Variants in CATIP observed in about 807,000 individuals in gnomAD.
CATIP encodes ciliogenesis-associated TTC17-interacting protein.
Under a neutral mutation model 42.5 loss-of-function variants are expected in CATIP, and 40 were observed. The observed-to-expected ratio is 0.94, with a 90% CI of 0.73 to 1.22. The LOEUF (loss-of-function observed/expected upper bound fraction) is 1.22. CATIP is among the 50% of genes most tolerant of loss of function. The pLI, the probability that CATIP is intolerant of heterozygous loss-of-function variation, is 0.00. For synonymous variants in CATIP, 222 were observed against 200.2 expected (o/e 1.11, Z -0.92); for missense variants, 489 against 496.0 (o/e 0.99, Z 0.13).
At position 218,356,955 on chromosome 2, in the gene CATIP, C is replaced by T. The variant is rs770500635; in HGVS notation, c.25+46C>T. 8.7e-6 allele frequency: 14 copies of T among 1,610,338 alleles called. No homozygotes were observed. In the African/African-American group the frequency reaches 1.6e-4, roughly 18 times the overall value. ...GCTGGAGGCGGGGATCCTCTTCTTT[C>T]TTCCCAATCCACCCTCGGGGTAGTC... is the stretch of plus-strand genomic sequence containing the variant. On this transcript the variant is annotated intron_variant, in intron 1 of 9. Transcript: ENST00000289388.
chr2:218,357,280 TC>T, intron 2 of CATIP, 93 bp downstream of exon 2: 1 of 877,586 alleles, frequency 1.1e-6, no homozygotes, highest in South Asian at 1.6e-5. Context: ...TCTCTCTCTC[TC>T]TCTCTCTCTT....
At chr2:218,367,155 C>G in intron 8 of CATIP, 55 bp downstream of exon 8, 1 of 1,381,366 alleles carries the variant, frequency 7.2e-7, no homozygotes, top group Non-Finnish European at 1.0e-6. Context: ...AGTGGGGAAA[C>G]CTGGGCCTTC....
At chr2:218,364,573 A>T in intron 6 of CATIP, 55 bp from the exon 7 acceptor site, 4 of 1,599,018 alleles carry the variant, frequency 2.5e-6, no homozygotes, top group Non-Finnish European at 3.4e-6. Flanking sequence ...GATGATGGGG[A>T]GCCCTTGGCG....
At chr2:218,365,085 C>T (rs1695381774) in intron 7 of CATIP, among the ~76,000 whole-genome samples, 1 of 152,040 alleles carries the variant, frequency 6.6e-6, no homozygotes, top group South Asian at 2.1e-4. Context: ...GGCAGGCTGC[C>T]GTGCAGTCTC....
intron 5 of CATIP, among the ~76,000 whole-genome samples, chr2:218,362,109 A>C (rs1258284052): frequency 6.6e-6 from 1 of 152,146 alleles, no homozygotes; most frequent in Non-Finnish European, 1.5e-5. Context: ...TAATTTCAGC[A>C]CTTTGGGAGG....
intron 3 of CATIP, 38 bp from the exon 4 acceptor site, chr2:218,357,999 T>A: frequency 1.2e-6 from 2 of 1,600,914 alleles, no homozygotes; most frequent in Non-Finnish European, 1.7e-6. Flanking sequence ...CTGACCCACA[T>A]CTCCTGTGAC....
At chr2:218,367,612 A>T in intron 9 of CATIP, 94 bp downstream of exon 9, 1 of 1,598,334 alleles carries the variant, frequency 6.3e-7, no homozygotes, top group African/African-American at 1.3e-5. Context: ...GCACACCCGT[A>T]GGGGCTAGAA....
chr2:218,366,020 G>A (rs1234393903), intron 7 of CATIP: 1 of 152,092 alleles, frequency 6.6e-6, no homozygotes, highest in Non-Finnish European at 1.5e-5. Flanking sequence ...TCACCATGTT[G>A]GCCAGGCTGG....
At position 218,357,572 on chromosome 2, in the gene CATIP, C is replaced by A. The variant is rs771251364; in HGVS notation, c.157C>A (p.Leu53Met). ...ACAGATGCTGTTCTTCTCTGAGACG[C>A]TGGCCATGGTCTCAGACACCGGGGA... ...ELQMLFFSETLAMVSDTGEPQ... is the reference protein window; with the variant it reads ...ELQMLFFSETMAMVSDTGEPQ... Residue 53 changes from leucine (L) to methionine (M), a missense_variant, in exon 3 of 10, where the codon CTG becomes ATG. Physicochemically the swap from Leu to Met is conservative, Grantham distance 15 (BLOSUM62 2). Transcript: ENST00000289388. 7 of 1,614,076 alleles carry A rather than the reference C, an allele frequency of 4.3e-6. No homozygotes were observed. Among genetic ancestry groups the A allele is most frequent in the Non-Finnish European group, 5.9e-6 (7 of 1,179,978 alleles).
intron 9 of CATIP, 40 bp downstream of exon 9, chr2:218,367,558 C>T (rs766652597): frequency 6.2e-7 from 1 of 1,607,370 alleles, no homozygotes; most frequent in East Asian, 2.2e-5. Context: ...CCCATTCCCC[C>T]ATGGGCCTTA....
intron 4 of CATIP, 44 bp from the exon 5 acceptor site, chr2:218,360,529 A>AC: frequency 2.1e-6 from 3 of 1,461,370 alleles, no homozygotes; most frequent in Non-Finnish European, 2.9e-6. Flanking sequence ...CCTCTGGGGG[A>AC]CCCAGGGAGT....
intron 7 of CATIP, among the ~76,000 whole-genome samples, chr2:218,365,023 G>A (rs545404433): frequency 1.3e-5 from 2 of 152,260 alleles, no homozygotes; most frequent in African/African-American, 4.8e-5. Flanking sequence ...AAACACCAAG[G>A]TCTGAATGAC....
chr2:218,357,629 A>T lies in CATIP; in HGVS notation c.214A>T (p.Arg72Ter), dbSNP rs771957959. 3.9e-5 allele frequency: 63 copies of T among 1,614,052 alleles called. No individual in the cohort carries two copies. The highest frequency in any genetic ancestry group is 5.3e-5 in the Non-Finnish European group (63 of 1,179,984). ...GGGAGAGCTGACCATTGAGGTGCAG[A>T]GAGGGAAATACCAGGAAAAACTCGG... The part of the protein sequence containing the change: ...PQGELTIEVQ[R>*]GKYQEKLGML... Residue 72 changes from arginine (R) to a stop codon, truncating the protein, a stop_gained, in exon 3 of 10, where the codon AGA becomes TGA. Transcript: ENST00000289388. LOFTEE classifies it high-confidence loss of function.
chr2:218,358,915 AAG>A (rs1695137446), intron 4 of CATIP, among the ~76,000 whole-genome samples: 10 of 151,168 alleles, frequency 6.6e-5, no homozygotes, highest in Admixed American at 5.3e-4. Context: ...AAGAAGAAAA[AAG>A]ATGTAGGTTG....
At chr2:218,357,290 T>TCTCTC (rs3055278) in intron 2 of CATIP, 103 bp downstream of exon 2, 622 of 842,754 alleles carry the variant, frequency 7.4e-4, no homozygotes, top group Non-Finnish European at 9.3e-4. Context: ...TCTCTCTCTC[T>TCTCTC]TCCTTGATTC....
At chr2:218,367,202 G>C (rs1695479703) in intron 8 of CATIP, 102 bp downstream of exon 8, 3 of 906,514 alleles carry the variant, frequency 3.3e-6, no homozygotes, top group East Asian at 2.5e-5. Flanking sequence ...TGCTGTAAAC[G>C]GGACAGGAGC....
intron 2 of CATIP, 78 bp downstream of exon 2, chr2:218,357,265 C>G: frequency 1.3e-6 from 1 of 771,732 alleles, no homozygotes; most frequent in East Asian, 2.7e-5. Flanking sequence ...TCCAGTCTCT[C>G]TCTCTCTCTC....
chr2:218,364,774 C>T, intron 7 of CATIP, 22 bp downstream of exon 7: 1 of 1,607,372 alleles, frequency 6.2e-7, no homozygotes, highest in South Asian at 1.1e-5. Context: ...ATGGTGGGCC[C>T]AGAGGGGTGG....
chr2:218,367,650 G>C, intron 9 of CATIP, 72 bp from the exon 10 acceptor site: 1 of 1,583,456 alleles, frequency 6.3e-7, no homozygotes. Context: ...GCTCTCCTTG[G>C]AGCGAGCGGC....
Sources: allele counts gnomAD v4.1 joint callset (sites outside exome capture counted in the v4.1 genomes callset), GRCh38; gene constraint gnomAD v4.1.1; transcripts MANE v1.5; gene names NCBI Gene and HGNC (gene_info 2026-07-23, HGNC 2026-07-21).